RFX4: variants seen among roughly 807,000 people sequenced by gnomAD.
RFX4 encodes the protein transcription factor RFX4.
Under a neutral mutation model 95.0 loss-of-function variants are expected in RFX4, and 10 were observed. The observed-to-expected ratio is 0.11, with a 90% CI of 0.06 to 0.18. The LOEUF is 0.18. Ranked by LOEUF, RFX4 falls within the 10% of genes least tolerant of loss-of-function variation. RFX4 has a pLI of 1.00. For missense variants in RFX4, 640 were observed against 922.0 expected (o/e 0.69, Z 3.96); for synonymous variants, 321 against 340.7 (o/e 0.94, Z 0.64).
chr12:106,733,033 C>T lies in RFX4; in HGVS notation c.1581C>T (p.Pro527=). ...CCACATCTGTGGAAGTGCCACCTCCCTCTTCCCCTGTTAGCAATCCTTCCC... is the reference window on the plus strand; with the variant it reads ...CCACATCTGTGGAAGTGCCACCTCCTTCTTCCCCTGTTAGCAATCCTTCCC... The part of the protein sequence containing the change: ...KSATSVEVPP[P]SSPVSNPSPE... Residue 527 remains proline, a synonymous_variant, in exon 15 of 18, where the codon CCC becomes CCT. Coordinates refer to ENST00000392842, the MANE Select transcript of RFX4 (RefSeq NM_213594.3). 4.3e-6 allele frequency: 7 copies of T among 1,614,204 alleles called. No homozygotes were observed. Among genetic ancestry groups the T allele is most frequent in the Non-Finnish European group, 5.9e-6 (7 of 1,180,040 alleles).
At chr12:106,638,354 C>T (rs2040555523) in intron 2 of RFX4, among the ~76,000 whole-genome samples, 1 of 152,108 alleles carries the variant, frequency 6.6e-6, no homozygotes, top group African/African-American at 2.4e-5. Flanking sequence ...CTTGTTTTCT[C>T]TCCTGTCATA....
At chr12:106,733,251 G>T in intron 15 of RFX4, 166 bp downstream of exon 15, 1 of 673,398 alleles carries the variant, frequency 1.5e-6, no homozygotes, top group Non-Finnish European at 2.5e-6. Context: ...TGGGAGAATT[G>T]CTTGAGCCCA....
intron 3 of RFX4, among the ~76,000 whole-genome samples, chr12:106,650,701 C>G (rs2137310425): frequency 6.6e-6 from 1 of 151,990 alleles, no homozygotes; most frequent in Admixed American, 6.5e-5. Context: ...TCACTCCAGC[C>G]TGGGTGACAG....
intron 2 of RFX4, among the ~76,000 whole-genome samples, chr12:106,615,957 TTG>T (rs1191296835): frequency 6.6e-6 from 1 of 152,226 alleles, no homozygotes. Flanking sequence ...TTTATTTCTT[TTG>T]TGTGTCTTAT....
At chr12:106,685,810 T>C (rs971987644) in intron 5 of RFX4, among the ~76,000 whole-genome samples, 6 of 152,220 alleles carry the variant, frequency 3.9e-5, no homozygotes, top group Non-Finnish European at 7.3e-5. Context: ...TTGCCTCCAG[T>C]TTCTCATGTG....
intron 1 of RFX4, chr12:106,583,621 C>A: frequency 2.7e-6 from 1 of 365,788 alleles, no homozygotes; most frequent in Non-Finnish European, 4.9e-6. Flanking sequence ...CGCGCTTTCG[C>A]TTGCCCTGGA....
At chr12:106,716,007 T>C (rs141947953) in intron 11 of RFX4, among the ~76,000 whole-genome samples, 1,770 of 152,304 alleles carry the variant, frequency 0.012, 16 homozygotes, top group Middle Eastern at 0.048. Flanking sequence ...GATGGTATTT[T>C]ACTTCTGTGA....
chr12:106,590,468 C>G (rs2039523355), intron 1 of RFX4, among the ~76,000 whole-genome samples: 1 of 152,150 alleles, frequency 6.6e-6, no homozygotes. Context: ...AAACTAGAAG[C>G]TGACATGTTC....
chr12:106,728,212 C>A (rs2042541618), intron 13 of RFX4, among the ~76,000 whole-genome samples: 1 of 151,888 alleles, frequency 6.6e-6, no homozygotes, highest in Non-Finnish European at 1.5e-5. Flanking sequence ...TGTCTCTAAT[C>A]CTAATGCCTT....
At chr12:106,750,860 G>A (rs972993285) in intron 17 of RFX4, 67 bp downstream of exon 17, 1 of 1,407,054 alleles carries the variant, frequency 7.1e-7, no homozygotes, top group Middle Eastern at 2.3e-4. Context: ...GGTTAACACA[G>A]TTCATAAACT....
At chr12:106,630,206 G>A (rs947260407) in intron 2 of RFX4, among the ~76,000 whole-genome samples, 1 of 152,102 alleles carries the variant, frequency 6.6e-6, no homozygotes, top group African/African-American at 2.4e-5. Context: ...GTTTTCCTGA[G>A]TGAGTCATTA....
At chr12:106,717,903 G>A (rs571566781) in intron 11 of RFX4, among the ~76,000 whole-genome samples, 1 of 152,322 alleles carries the variant, frequency 6.6e-6, no homozygotes, top group Middle Eastern at 3.4e-3. Flanking sequence ...GAGCAGGGCT[G>A]GGACAACTGT....
At chr12:106,635,381 G>A (rs1315125551) in intron 2 of RFX4, among the ~76,000 whole-genome samples, 1 of 152,150 alleles carries the variant, frequency 6.6e-6, no homozygotes, top group African/African-American at 2.4e-5. Flanking sequence ...GTAGTGGCGT[G>A]ATCTCTTTGC....
At chr12:106,635,664 A>G (rs756488163) in intron 2 of RFX4, among the ~76,000 whole-genome samples, 37 of 152,230 alleles carry the variant, frequency 2.4e-4, no homozygotes, top group Non-Finnish European at 4.7e-4. Context: ...GCTCAGTATT[A>G]TAATTTCTAG....
chr12:106,688,907 G>A (rs920197883), intron 6 of RFX4, among the ~76,000 whole-genome samples: 1 of 152,194 alleles, frequency 6.6e-6, no homozygotes, highest in Admixed American at 6.5e-5. Flanking sequence ...AGAGAATTTA[G>A]TTCCATAACC....
At chr12:106,738,596 T>C (rs891888898) in intron 15 of RFX4, among the ~76,000 whole-genome samples, 2 of 152,228 alleles carry the variant, frequency 1.3e-5, no homozygotes, top group African/African-American at 4.8e-5. Flanking sequence ...GATTTTAAGC[T>C]TTGAAGATTT....
chr12:106,646,928 A>G (rs1417733200), intron 3 of RFX4, among the ~76,000 whole-genome samples: 4 of 152,224 alleles, frequency 2.6e-5, no homozygotes, highest in Non-Finnish European at 5.9e-5. Context: ...TGGCTCGTCT[A>G]CTTGGCAGCA....
chr12:106,686,578 G>C (rs184038682), intron 5 of RFX4, among the ~76,000 whole-genome samples: 1 of 152,200 alleles, frequency 6.6e-6, no homozygotes, highest in East Asian at 1.9e-4. Context: ...GAGAGATCAA[G>C]TACTAATGGA....
intron 1 of RFX4, among the ~76,000 whole-genome samples, chr12:106,591,555 C>A (rs1441767055): frequency 6.6e-6 from 1 of 152,066 alleles, no homozygotes; most frequent in Non-Finnish European, 1.5e-5. Flanking sequence ...CGTGAGCCAT[C>A]GCGTCCGGCT....
Sources: gnomAD v4.1 joint callset for allele counts (sites outside exome capture counted in the v4.1 genomes callset) on GRCh38, gnomAD v4.1.1 for gene constraint, MANE v1.5 for transcripts, NCBI Gene and HGNC (gene_info 2026-07-23, HGNC 2026-07-21) for gene names.